The following PARP6 variants were observed in gnomAD, a reference collection of about 807,000 sequenced individuals.
PARP6 encodes poly(ADP-ribose) polymerase family member 6.
In PARP6, 27 loss-of-function variants were observed where a neutral mutation model predicts 92.0. The observed-to-expected ratio is 0.29, with a 90% CI of 0.22 to 0.40. The LOEUF is 0.40. PARP6 is among the 10% of genes least tolerant of loss of function. The probability of loss-of-function intolerance (pLI) is 1.00; values close to 1 mark genes in which losing one functional copy is unlikely to be tolerated. For synonymous variants in PARP6, 272 were observed against 281.2 expected, an observed-to-expected ratio of 0.97 and a Z score of 0.33; for missense variants, 501 against 784.5, an observed-to-expected ratio of 0.64 and a Z score of 4.32.
At chr15:72,256,672 G>A (rs1426793508) in intron 13 of PARP6, 82 bp from the exon 14 acceptor site, 5 of 1,211,226 alleles carry the variant, frequency 4.1e-6, no homozygotes, top group Non-Finnish European at 4.3e-6. Flanking sequence ...ATTTCTCTCT[G>A]ATGTTCTTTT....
At chr15:72,267,753 T>C (rs955761960) in intron 2 of PARP6, 82 bp from the exon 3 acceptor site, 1 of 393,368 alleles carries the variant, frequency 2.5e-6, no homozygotes, top group African/African-American at 2.1e-5. Flanking sequence ...TATTTATCAA[T>C]ACACTTTTTT....
Position 72,242,717 on chromosome 15 carries a change from A to T in PARP6, c.1562-18T>A. The T allele has an allele frequency of 6.4e-7, 1 of 1,559,140 alleles. No homozygotes were observed. The highest frequency in any genetic ancestry group is 8.8e-7 in the Non-Finnish European group (1 of 1,141,580). On this transcript the variant is annotated intron_variant, in intron 20 of 23. Transcript: ENST00000569795. This position sits in a 1 kb window ranked among gnomAD's most constrained non-coding sequence, Gnocchi z 4.3. Reference sequence around the variant, plus strand: ...TCCCATTCCTGTCACAGAACAATACACCCACTTCATTTATCAAAAATTTAC... The same window carrying T: ...TCCCATTCCTGTCACAGAACAATACTCCCACTTCATTTATCAAAAATTTAC...
intron 2 of PARP6, among the ~76,000 whole-genome samples, chr15:72,269,825 G>A (rs1055122191): frequency 2.0e-5 from 3 of 149,196 alleles, no homozygotes; most frequent in African/African-American, 5.0e-5. Flanking sequence ...CTTGACCTAC[G>A]GAGGCAGAGG....
At chr15:72,250,409 A>C (rs1228301205) in intron 18 of PARP6, 1 of 336,926 alleles carries the variant, frequency 3.0e-6, no homozygotes, top group Non-Finnish European at 5.6e-6. Context: ...TCTGAAAATC[A>C]ACAAATTTAT....
At chr15:72,257,024 T>C (rs932308919) in intron 13 of PARP6, among the ~76,000 whole-genome samples, 1 of 152,136 alleles carries the variant, frequency 6.6e-6, no homozygotes, top group Non-Finnish European at 1.5e-5. Flanking sequence ...ATTACAGGTG[T>C]GAGCCACTGT....
chr15:72,258,452 C>CAAT (rs1254785410), intron 11 of PARP6, among the ~76,000 whole-genome samples: 1 of 152,192 alleles, frequency 6.6e-6, no homozygotes, highest in African/African-American at 2.4e-5. Context: ...CAGCATTATT[C>CAAT]ACCTCATAGG....
In PARP6 at chr15:72,269,253, C is replaced by T. The variant is rs150257689; in HGVS notation, c.-194-1582G>A. 6.3e-3 allele frequency among the ~76,000 whole-genome samples: 959 copies of T among 152,150 alleles called. 47 individuals carry two copies. Among genetic ancestry groups the T allele is most frequent in the Admixed American group, 0.055 (847 of 15,280 alleles). ...TCGGCTCACTGCAACCTCTGCCTCC[C>T]GGGTTCAAGCAATTCTCCTGTCTCA... On this transcript the variant is annotated intron_variant, in intron 2 of 23. Coordinates refer to ENST00000569795, the MANE Select transcript of PARP6 (RefSeq NM_001323532.2).
chr15:72,249,948 A>G (rs1387536388), intron 19 of PARP6, 72 bp downstream of exon 19: 1 of 986,900 alleles, frequency 1.0e-6, no homozygotes, highest in Non-Finnish European at 1.6e-6. Flanking sequence ...AGCTTACTCT[A>G]GAGCAGCCTT....
At chr15:72,252,037 A>G (rs1407009474) in intron 16 of PARP6, among the ~76,000 whole-genome samples, 1 of 152,236 alleles carries the variant, frequency 6.6e-6, no homozygotes, top group Non-Finnish European at 1.5e-5. Context: ...CTGAAGGCTG[A>G]CTAGGAAGAG....
rs80097386 is a variant in PARP6 at position 72,261,776 on chromosome 15, C to A, written c.396-69G>T. 3,667 of 1,481,282 alleles carry A rather than the reference C, an allele frequency of 2.5e-3. 15 individuals carry two copies. Among genetic ancestry groups the A allele is most frequent in the Middle Eastern group, 7.1e-3 (41 of 5,752 alleles). The allele number at this position is 1,481,282 out of a possible 1,614,324, so 91.8% of individuals were successfully genotyped here. A position where few individuals can be genotyped will look rare whatever the true frequency, so the allele number is the denominator to read the frequency against. ...TCAAGAAATAAGGACTAAAGAGAGA[C>A]AAATAATCTAAAATTCAGACCCAAG... is the stretch of plus-strand genomic sequence containing the variant. On this transcript the variant is annotated intron_variant, in intron 8 of 23. Transcript: ENST00000569795.
At position 72,265,483 on chromosome 15, in the gene PARP6, T is replaced by C; in HGVS notation, c.177-10A>G. The C allele has an allele frequency of 6.2e-7, 1 of 1,606,328 alleles. No homozygotes were observed. ...GATAGTTCCATATTCTCTATAGAGA[T>C]ACAGGTGACAACAGGTGAGACTCAT... On this transcript the variant is annotated splice_polypyrimidine_tract_variant and intron_variant, in intron 5 of 23. Coordinates refer to ENST00000569795, the MANE Select transcript of PARP6 (RefSeq NM_001323532.2).
In PARP6 at chr15:72,261,699, C is replaced by G; in HGVS notation, c.404G>C (p.Gly135Ala). 6.2e-7 allele frequency: 1 copy of G among 1,613,760 alleles called. No individual in the cohort carries two copies. Residue 135 changes from glycine to alanine, a missense_variant, in exon 9 of 24, where the codon GGT becomes GCT. Physicochemically the swap from Gly to Ala is moderately conservative, Grantham distance 60. Coordinates refer to ENST00000569795, the MANE Select transcript of PARP6 (RefSeq NM_001323532.2). The part of the protein sequence containing the change: ...GLGLQLKKIL[G>A]MFTSQQWKHL... Reference sequence around the variant, plus strand: ...TTTCCATTGTTGGGATGTAAACATACCCAGGATCCTGAGGGATCAAAAAGA... The same window carrying G: ...TTTCCATTGTTGGGATGTAAACATAGCCAGGATCCTGAGGGATCAAAAAGA...
chr15:72,241,657 G>A lies in PARP6; in HGVS notation c.1791-100C>T. 3 of 960,742 alleles carry A rather than the reference G, an allele frequency of 3.1e-6. No individual in the cohort carries two copies. The highest frequency in any genetic ancestry group is 4.9e-6 in the Non-Finnish European group (3 of 608,554). 59.5% of individuals were successfully genotyped at this position (960,742 alleles called of 1,614,324 possible). On this transcript the variant is annotated intron_variant, in intron 23 of 23. Coordinates refer to ENST00000569795, the MANE Select transcript of PARP6 (RefSeq NM_001323532.2). The surrounding 1 kb of genome is among the most constrained non-coding windows in gnomAD (Gnocchi z 4.1). The stretch of plus-strand genomic sequence containing the variant: ...TTCAAGGTATGGCCATCCCATCCCA[G>A]AAGTCAAAGCCCTTTCTCACTGCTT...
intron 17 of PARP6, 101 bp downstream of exon 17, chr15:72,251,106 C>A (rs1335369543): frequency 1.0e-6 from 1 of 986,134 alleles, no homozygotes; most frequent in African/African-American, 1.6e-5. Context: ...ATGGACAGAG[C>A]AATGTAGGCA....
At chr15:72,253,149 G>C (rs1048940342) in intron 16 of PARP6, among the ~76,000 whole-genome samples, 2 of 149,432 alleles carry the variant, frequency 1.3e-5, no homozygotes, top group African/African-American at 2.5e-5. Context: ...CACTCTAGCC[G>C]GGGCAACAGA....
At chr15:72,265,269 C>T (rs1041218086) in intron 6 of PARP6, 98 bp from the exon 7 acceptor site, 3 of 1,025,866 alleles carry the variant, frequency 2.9e-6, no homozygotes, top group East Asian at 4.8e-5. Context: ...ACAGTACACA[C>T]CACTGTCTGC....
chr15:72,256,516 A>T lies in PARP6; in HGVS notation c.1074T>A (p.Tyr358Ter). The stretch of plus-strand genomic sequence containing the variant: ...GATCAGTGGGGTCCACCACAGAGGG[A>T]TAAGGCTCAAAGATGATGCTCTTTC... The part of the protein sequence containing the change: ...SPRKSIIFEP[Y>*]PSVVDPTDPK... The change falls in exon 14 of 24, where the codon TAT becomes TAA. Residue 358 changes from tyrosine to a stop codon, truncating the protein, a stop_gained. Transcript: ENST00000569795. LOFTEE classifies it high-confidence loss of function. 6.2e-7 allele frequency: 1 copy of T among 1,601,106 alleles called. No individual in the cohort carries two copies. The highest frequency in any genetic ancestry group is 8.5e-7 in the Non-Finnish European group (1 of 1,174,640).
intron 1 of PARP6, among the ~76,000 whole-genome samples, chr15:72,271,544 C>G (rs2087433741): frequency 6.6e-6 from 1 of 152,166 alleles, no homozygotes; most frequent in Admixed American, 6.5e-5. Context: ...TGGCCTAATT[C>G]AAAGCTTTCA....
intron 20 of PARP6, among the ~76,000 whole-genome samples, chr15:72,248,179 T>C (rs2083870840): frequency 6.6e-6 from 1 of 152,246 alleles, no homozygotes; most frequent in South Asian, 2.1e-4. Flanking sequence ...TTATCTGTTC[T>C]GTTAGTTCTT....
Sources: allele counts gnomAD v4.1 joint callset (sites outside exome capture counted in the v4.1 genomes callset), GRCh38; gene constraint gnomAD v4.1.1; non-coding constraint Gnocchi (gnomAD v3.1); transcripts MANE v1.5; gene names NCBI Gene and HGNC (gene_info 2026-07-23, HGNC 2026-07-21).